DENND5B: variants seen among roughly 807,000 people sequenced by gnomAD.
The protein encoded by DENND5B is DENN domain-containing protein 5B.
In DENND5B, 34 loss-of-function variants were observed where a neutral mutation model predicts 140.6. The ratio of observed to expected loss-of-function variants is 0.24; its 90% CI spans 0.18 to 0.32. DENND5B has a LOEUF of 0.32. DENND5B is among the 10% of genes least tolerant of loss of function. The pLI, the probability that DENND5B is intolerant of heterozygous loss-of-function variation, is 1.00. For synonymous variants in DENND5B, 551 were observed against 562.1 expected (o/e 0.98, Z 0.28); for missense variants, 1,142 against 1,560.2 (o/e 0.73, Z 4.52).
At chr12:31,432,902 C>CT (rs1041291994) in intron 8 of DENND5B, 4 of 390,006 alleles carry the variant, frequency 1.0e-5, no homozygotes, top group Admixed American at 8.5e-5. Context: ...TTATCCTCAA[C>CT]TTGATCTTTA....
At chr12:31,576,830 T>C (rs1950033642) in intron 1 of DENND5B, among the ~76,000 whole-genome samples, 1 of 150,622 alleles carries the variant, frequency 6.6e-6, no homozygotes, top group Non-Finnish European at 1.5e-5. Context: ...GTTTGGGAGA[T>C]CAAGCCTGCA....
At chr12:31,488,845 T>A (rs1946408586) in intron 2 of DENND5B, among the ~76,000 whole-genome samples, 1 of 152,104 alleles carries the variant, frequency 6.6e-6, no homozygotes. Context: ...CCCCTCACCA[T>A]CCCACAATAA....
chr12:31,531,512 A>G (rs1296651291), intron 1 of DENND5B, among the ~76,000 whole-genome samples: 2 of 152,200 alleles, frequency 1.3e-5, no homozygotes, highest in African/African-American at 4.8e-5. Context: ...AACTTGTATT[A>G]ACTCATTTAA....
chr12:31,483,254 G>T (rs1301194568), intron 2 of DENND5B, among the ~76,000 whole-genome samples: 1 of 152,124 alleles, frequency 6.6e-6, no homozygotes, highest in East Asian at 1.9e-4. Flanking sequence ...ACCAGGATCT[G>T]GGAAACTTTT....
At chr12:31,419,301 T>G (rs1251649834) in intron 11 of DENND5B, among the ~76,000 whole-genome samples, 1 of 152,182 alleles carries the variant, frequency 6.6e-6, no homozygotes, top group Non-Finnish European at 1.5e-5. Flanking sequence ...ACTACAAAAA[T>G]AGCCAGATGT....
At chr12:31,514,685 C>T (rs186493683) in intron 1 of DENND5B, among the ~76,000 whole-genome samples, 167 of 152,042 alleles carry the variant, frequency 1.1e-3, no homozygotes, top group African/African-American at 3.7e-3. Flanking sequence ...GGTGTGGTGG[C>T]GCGTGCCTGT....
intron 2 of DENND5B, among the ~76,000 whole-genome samples, chr12:31,484,771 AGC>A: frequency 6.6e-6 from 1 of 152,158 alleles, no homozygotes; most frequent in South Asian, 2.1e-4. Flanking sequence ...ACTGAACTCC[AGC>A]CTAGGCAACA....
At position 31,469,097 on chromosome 12, in the gene DENND5B, G is replaced by A. The variant is rs1945418425; in HGVS notation, c.905-8716C>T. On this transcript the variant is annotated intron_variant, in intron 3 of 20. Transcript: ENST00000389082. ...AGGTCTGTAATCCCAGCACTTGGGAGGCCGAGGCAGGTGGATCACTGGAGG... is the reference window on the plus strand; with the variant it reads ...AGGTCTGTAATCCCAGCACTTGGGAAGCCGAGGCAGGTGGATCACTGGAGG... 2.6e-5 allele frequency among the ~76,000 whole-genome samples: 4 copies of A among 152,208 alleles called. No homozygotes were observed. In the South Asian group the frequency reaches 8.3e-4, roughly 32 times the overall value.
At chr12:31,513,112 TAGA>T (rs1947489940) in intron 1 of DENND5B, among the ~76,000 whole-genome samples, 1 of 152,186 alleles carries the variant, frequency 6.6e-6, no homozygotes, top group Non-Finnish European at 1.5e-5. Context: ...AGGTATTTTG[TAGA>T]AGGTCCCTCA....
chr12:31,394,613 C>A (rs793165), intron 17 of DENND5B, among the ~76,000 whole-genome samples: 22,654 of 92,046 alleles, frequency 0.25, 2,179 homozygotes, highest in Non-Finnish European at 0.33. Context: ...TTACCCTGTG[C>A]TCTTTTTTTT....
At chr12:31,527,384 C>T (rs1420151562) in intron 1 of DENND5B, among the ~76,000 whole-genome samples, 1 of 152,038 alleles carries the variant, frequency 6.6e-6, no homozygotes, top group Non-Finnish European at 1.5e-5. Context: ...GAGAAAGCTC[C>T]AGAGGTTACG....
intron 11 of DENND5B, among the ~76,000 whole-genome samples, chr12:31,420,533 T>C (rs539832775): frequency 6.6e-6 from 1 of 151,620 alleles, no homozygotes; most frequent in African/African-American, 2.4e-5. Flanking sequence ...AACCTCTGCC[T>C]CCTGGGTTCA....
chr12:31,559,359 T>C (rs1386572867), intron 1 of DENND5B, among the ~76,000 whole-genome samples: 1 of 152,186 alleles, frequency 6.6e-6, no homozygotes, highest in African/African-American at 2.4e-5. Context: ...AATTAGTTAA[T>C]CTAATTCAAA....
At chr12:31,461,064 T>G (rs1479076671) in intron 3 of DENND5B, among the ~76,000 whole-genome samples, 1 of 151,780 alleles carries the variant, frequency 6.6e-6, no homozygotes, top group Non-Finnish European at 1.5e-5. Context: ...ACATGAATGC[T>G]TACACAATTC....
At chr12:31,393,603 C>T (rs1941264994) in intron 17 of DENND5B, among the ~76,000 whole-genome samples, 1 of 152,186 alleles carries the variant, frequency 6.6e-6, no homozygotes, top group Non-Finnish European at 1.5e-5. Context: ...TTCTAATTTA[C>T]TTAACACACT....
At position 31,454,976 on chromosome 12, in the gene DENND5B, G is replaced by A. The variant is rs911748475; in HGVS notation, c.1093-2500C>T. Among the ~76,000 whole-genome samples, 11 of 151,722 alleles carry A rather than the reference G, an allele frequency of 7.3e-5. No individual in the cohort carries two copies. The South Asian group carries it at 2.3e-3, about 32-fold the overall frequency. ...TGGGACTACAGGTGCCTGCCACCAC[G>A]CCCGGCTAATTTTTTTTGTATTTTT... On this transcript the variant is annotated intron_variant, in intron 4 of 20. Coordinates refer to ENST00000389082, the MANE Select transcript of DENND5B (RefSeq NM_144973.4).
At chr12:31,424,132 A>C (rs1335321228) in intron 10 of DENND5B, among the ~76,000 whole-genome samples, 2 of 152,206 alleles carry the variant, frequency 1.3e-5, no homozygotes, top group Non-Finnish European at 2.9e-5. Context: ...AAGAAGAAAG[A>C]AACATGCACA....
rs186013208 is a variant in DENND5B, at chr12:31,507,417, T to C, written c.128-11498A>G. On this transcript the variant is annotated intron_variant, in intron 1 of 20. Coordinates refer to ENST00000389082, the MANE Select transcript of DENND5B (RefSeq NM_144973.4). The stretch of plus-strand genomic sequence containing the variant: ...CCCAAAGCACTGGCATTAAAATCAT[T>C]TGCCACTGCACCTGGCCAAATTATT... 1.2e-3 allele frequency among the ~76,000 whole-genome samples: 181 copies of C among 152,294 alleles called. 1 individual carries two copies. Among genetic ancestry groups the C allele is most frequent in the African/African-American group, 4.3e-3 (178 of 41,558 alleles).
rs142400295 is a variant in DENND5B, at chr12:31,475,564, G to A, written c.904+4025C>T. Among the ~76,000 whole-genome samples the A allele has an allele frequency of 2.4e-3, 363 of 152,102 alleles. 4 individuals carry two copies. The highest frequency in any genetic ancestry group is 8.0e-3 in the African/African-American group (330 of 41,478). The stretch of plus-strand genomic sequence containing the variant: ...GGAGTTTCAAACCAGCCTGGGCAGT[G>A]TAGTGAGACTTCATCTCCACTAAAA... On this transcript the variant is annotated intron_variant, in intron 3 of 20. Transcript: ENST00000389082.
Sources: allele counts gnomAD v4.1 joint callset (sites outside exome capture counted in the v4.1 genomes callset), GRCh38; gene constraint gnomAD v4.1.1; transcripts MANE v1.5; gene names NCBI Gene and HGNC (gene_info 2026-07-23, HGNC 2026-07-21).